ECT2L: variants seen among roughly 807,000 people sequenced by gnomAD.
The protein encoded by ECT2L is epithelial cell-transforming sequence 2 oncogene-like.
A neutral mutation model predicts 122.8 loss-of-function variants in ECT2L; 126 were observed. The ratio of observed to expected loss-of-function variants is 1.03; its 90% CI spans 0.89 to 1.19. The LOEUF is 1.19. Among genes scored for constraint, ECT2L ranks in the 50% most tolerant of loss-of-function variants. The probability of loss-of-function intolerance (pLI) is 0.00; values close to 1 mark genes in which losing one functional copy is unlikely to be tolerated. For synonymous variants in ECT2L, 385 were observed against 381.8 expected (o/e 1.01, Z -0.10); for missense variants, 1,012 against 1,064.1 (o/e 0.95, Z 0.68).
intron 7 of ECT2L, among the ~76,000 whole-genome samples, chr6:138,845,287 G>A (rs1238631369): frequency 6.7e-6 from 1 of 149,264 alleles, no homozygotes; most frequent in African/African-American, 2.5e-5. Context: ...CTGTCACCCA[G>A]GCTAGAGTGC....
chr6:138,799,000 C>T (rs1024419708), intron 1 of ECT2L, among the ~76,000 whole-genome samples: 2 of 152,168 alleles, frequency 1.3e-5, no homozygotes, highest in Admixed American at 6.5e-5. Context: ...TACATCACTT[C>T]ATTTTTTTGT....
At chr6:138,888,317 C>CAT (rs1778897514) in intron 19 of ECT2L, among the ~76,000 whole-genome samples, 2 of 128,646 alleles carry the variant, frequency 1.6e-5, no homozygotes, top group Admixed American at 1.6e-4. Context: ...TTTTTCTTTT[C>CAT]TTTTTTTTTT....
In ECT2L at chr6:138,884,910, G is replaced by A. The variant is rs772537333; in HGVS notation, c.2029-596G>A. On this transcript the variant is annotated intron_variant, in intron 16 of 21. Coordinates refer to ENST00000541398, the MANE Select transcript of ECT2L (RefSeq NM_001077706.3). ...AGTAATTTGACAAGGTTATATATTC[G>A]ATTTATTCTAATTCAAATCCAGGCC... Among the ~76,000 whole-genome samples the A allele has an allele frequency of 7.9e-5, 12 of 151,308 alleles. No individual in the cohort carries two copies. The East Asian group carries it at 1.9e-3, about 24-fold the overall frequency.
At chr6:138,896,090 GAA>G (rs1779199826) in intron 20 of ECT2L, among the ~76,000 whole-genome samples, 1 of 124,438 alleles carries the variant, frequency 8.0e-6, no homozygotes, top group African/African-American at 4.2e-5. Flanking sequence ...TTTCATTGCT[GAA>G]TTTTTTTTTT....
chr6:138,882,198 T>C (rs1006012973), intron 15 of ECT2L, among the ~76,000 whole-genome samples: 20 of 152,184 alleles, frequency 1.3e-4, no homozygotes, highest in African/African-American at 4.6e-4. Context: ...TCCCTGAAGG[T>C]AACTCTCTAG....
In ECT2L at chr6:138,882,874, AAAT is replaced by A. The variant is rs1778690905; in HGVS notation, c.2028+4_2028+6del. 6.3e-7 allele frequency: 1 copy of A among 1,595,022 alleles called. No homozygotes were observed. Among genetic ancestry groups the A allele is most frequent in the Non-Finnish European group, 8.5e-7 (1 of 1,173,134 alleles). On this transcript the variant is annotated splice_donor_5th_base_variant and intron_variant, in intron 16 of 21. Transcript: ENST00000541398. Reference sequence around the variant, plus strand: ...TCATTCTGAAAACTATTGAGAAGGTAAATGAGTTTCAATTCCATCATTCTATAA... The same window carrying A: ...TCATTCTGAAAACTATTGAGAAGGTAGAGTTTCAATTCCATCATTCTATAA...
At chr6:138,831,116 T>A (rs1186818253) in intron 4 of ECT2L, among the ~76,000 whole-genome samples, 1 of 152,202 alleles carries the variant, frequency 6.6e-6, no homozygotes, top group African/African-American at 2.4e-5. Flanking sequence ...ACTCATCTAA[T>A]CACCACTTAT....
At chr6:138,887,664 A>C (rs1333749696) in intron 19 of ECT2L, among the ~76,000 whole-genome samples, 3 of 152,100 alleles carry the variant, frequency 2.0e-5, no homozygotes, top group Non-Finnish European at 4.4e-5. Flanking sequence ...ACCCTCCCTT[A>C]TCTCTTACAG....
At chr6:138,850,799 C>G (rs549284965) in intron 9 of ECT2L, among the ~76,000 whole-genome samples, 38 of 151,724 alleles carry the variant, frequency 2.5e-4, no homozygotes, top group Non-Finnish European at 4.9e-4. Flanking sequence ...GTCAGGAGTT[C>G]AAGACCAGCC....
At chr6:138,881,873 TG>T (rs1778657783) in intron 15 of ECT2L, among the ~76,000 whole-genome samples, 1 of 152,192 alleles carries the variant, frequency 6.6e-6, no homozygotes, top group Non-Finnish European at 1.5e-5. Context: ...CTATGCAGCC[TG>T]GTTCCTAACA....
rs1481314353 is a variant in ECT2L, at chr6:138,796,145, AGAG to A, written c.-287_-285del. ...ACTCGATTTTCACTGCGCGGTTCCAAGAGGAGACAGCCGCCACTGTACCGGGCC... is the reference window on the plus strand; with the variant it reads ...ACTCGATTTTCACTGCGCGGTTCCAAGAGACAGCCGCCACTGTACCGGGCC... On this transcript the variant is annotated 5_prime_UTR_variant, in exon 1 of 22. Coordinates refer to ENST00000541398, the MANE Select transcript of ECT2L (RefSeq NM_001077706.3). 2 of 152,556 alleles carry A rather than the reference AGAG, an allele frequency of 1.3e-5. No individual in the cohort carries two copies. The highest frequency in any genetic ancestry group is 1.9e-4 in the East Asian group (1 of 5,192). The allele number at this position is 152,556 out of a possible 1,614,324, so 9.5% of individuals were successfully genotyped here. A position where few individuals can be genotyped will look rare whatever the true frequency, so the allele number is the denominator to read the frequency against.
chr6:138,886,395 A>G (rs1041742477), intron 18 of ECT2L, among the ~76,000 whole-genome samples: 1 of 152,104 alleles, frequency 6.6e-6, no homozygotes, highest in Admixed American at 6.6e-5. Context: ...AACATTGGGT[A>G]CAGAAAATTG....
chr6:138,897,378 T>C (rs1026061375), intron 20 of ECT2L, among the ~76,000 whole-genome samples: 9 of 152,186 alleles, frequency 5.9e-5, no homozygotes, highest in Admixed American at 3.9e-4. Context: ...GTATAAGTAT[T>C]CACATAGTGT....
At chr6:138,857,853 G>T (rs770730521) in intron 10 of ECT2L, among the ~76,000 whole-genome samples, 20 of 152,082 alleles carry the variant, frequency 1.3e-4, no homozygotes, top group Non-Finnish European at 2.4e-4. Flanking sequence ...ATAACTGCCC[G>T]AGACTGGGTA....
In ECT2L at chr6:138,813,306, G is replaced by A. The variant is rs1455516777; in HGVS notation, c.32G>A (p.Trp11Ter). The change falls in exon 3 of 22, where the codon TGG becomes TAG. Residue 11 changes from tryptophan to a stop codon, truncating the protein, a stop_gained. Coordinates refer to ENST00000541398, the MANE Select transcript of ECT2L (RefSeq NM_001077706.3). LOFTEE classifies it high-confidence loss of function. The stretch of plus-strand genomic sequence containing the variant: ...AGCTTCCACACCAGATTTAGTGCCT[G>A]GACACCTTTTAGCAACAAGTCATTA... MESFHTRFSAWTPFSNKSLNR... is the reference protein window; with the variant it reads MESFHTRFSA 6.2e-7 allele frequency: 1 copy of A among 1,612,192 alleles called. No individual in the cohort carries two copies. The highest frequency in any genetic ancestry group is 8.5e-7 in the Non-Finnish European group (1 of 1,179,570).
intron 20 of ECT2L, among the ~76,000 whole-genome samples, chr6:138,893,185 GTTTTT>G: frequency 8.1e-6 from 1 of 122,788 alleles, no homozygotes; most frequent in Non-Finnish European, 1.6e-5. Context: ...TTTTTTTTTT[GTTTTT>G]TTTTGTTTTT....
At chr6:138,851,501 T>C (rs1406552895) in intron 9 of ECT2L, among the ~76,000 whole-genome samples, 1 of 150,562 alleles carries the variant, frequency 6.6e-6, no homozygotes, top group Admixed American at 6.6e-5. Flanking sequence ...TTTTTTTTTT[T>C]TTTTAAATAG....
intron 5 of ECT2L, among the ~76,000 whole-genome samples, chr6:138,840,961 C>A (rs1028358198): frequency 6.6e-6 from 1 of 152,098 alleles, no homozygotes; most frequent in Non-Finnish European, 1.5e-5. Context: ...ATTTCTGTGA[C>A]CTTCAGTATT....
chr6:138,869,564 G>A (rs1394813588), intron 13 of ECT2L, among the ~76,000 whole-genome samples: 2 of 152,176 alleles, frequency 1.3e-5, no homozygotes, highest in Admixed American at 6.5e-5. Flanking sequence ...GGCCTTTGGC[G>A]AGCCTTGCTG....
Sources: gnomAD v4.1 joint callset for allele counts (sites outside exome capture counted in the v4.1 genomes callset) on GRCh38, gnomAD v4.1.1 for gene constraint, MANE v1.5 for transcripts, NCBI Gene and HGNC (gene_info 2026-07-23, HGNC 2026-07-21) for gene names.